The following LEMD2 variants were observed in gnomAD, a reference collection of about 807,000 sequenced individuals.
LEMD2 encodes the protein LEM domain-containing protein 2.
A neutral mutation model predicts 58.8 loss-of-function variants in LEMD2; 34 were observed. That is an observed-to-expected ratio of 0.58 (90% CI 0.44 to 0.77). The LOEUF (loss-of-function observed/expected upper bound fraction) is 0.77, where lower values mean the gene tolerates loss of function less well. Ranked by LOEUF, LEMD2 falls within the 30% of genes least tolerant of loss-of-function variation. The pLI, the probability that LEMD2 is intolerant of heterozygous loss-of-function variation, is 0.00. For synonymous variants in LEMD2, 298 were observed against 308.9 expected, an observed-to-expected ratio of 0.96 and a Z score of 0.37; for missense variants, 629 against 717.9, an observed-to-expected ratio of 0.88 and a Z score of 1.42.
intron 2 of LEMD2, 42 bp from the exon 3 acceptor site, chr6:33,784,469 T>TGGGGTG: frequency 2.7e-5 from 1 of 36,548 alleles, no homozygotes; most frequent in Non-Finnish European, 5.4e-5. Flanking sequence ...GAGGGGTGGG[T>TGGGGTG]GGGAGGGGTC....
intron 2 of LEMD2, among the ~76,000 whole-genome samples, chr6:33,785,007 G>A (rs1218122434): frequency 7.2e-5 from 11 of 152,122 alleles, no homozygotes; most frequent in Admixed American, 4.6e-4. Flanking sequence ...GAGGACAGAC[G>A]GTACCAGACA....
chr6:33,772,923 C>G, intron 8 of LEMD2, 145 bp from the exon 9 acceptor site: 1 of 681,526 alleles, frequency 1.5e-6, no homozygotes, highest in Non-Finnish European at 2.5e-6. Flanking sequence ...AACATGACAA[C>G]TGCAGAGGAG....
Position 33,771,503 on chromosome 6 carries a change from C to G in LEMD2, c.*1125G>C, listed in dbSNP as rs1055216443. 6.6e-6 allele frequency: 1 copy of G among 152,282 alleles called. No individual in the cohort carries two copies. The highest frequency in any genetic ancestry group is 2.4e-5 in the African/African-American group (1 of 41,476). 9.4% of individuals were successfully genotyped at this position (152,282 alleles called of 1,614,324 possible). ...CTGTGGAATTTCCTGTTTGCTCCCCCTCTCCTGCCTGCCGCAGATGAGGAC... is the reference window on the plus strand; with the variant it reads ...CTGTGGAATTTCCTGTTTGCTCCCCGTCTCCTGCCTGCCGCAGATGAGGAC... On this transcript the variant is annotated 3_prime_UTR_variant, in exon 9 of 9. Coordinates refer to ENST00000293760, the MANE Select transcript of LEMD2 (RefSeq NM_181336.4).
At chr6:33,788,102 G>A (rs1405711718) in intron 1 of LEMD2, among the ~76,000 whole-genome samples, 2 of 152,230 alleles carry the variant, frequency 1.3e-5, no homozygotes, top group African/African-American at 2.4e-5. Context: ...AGAGGTTGGA[G>A]GAGCAGTGAC....
Position 33,788,725 on chromosome 6 carries a change from C to A in LEMD2, c.392G>T (p.Arg131Leu). The A allele has an allele frequency of 1.4e-6, 2 of 1,425,138 alleles. No homozygotes were observed. The highest frequency in any genetic ancestry group is 1.4e-5 in the South Asian group (1 of 71,560). 88.3% of individuals were successfully genotyped at this position (1,425,138 alleles called of 1,614,324 possible). Residue 131 changes from arginine (R) to leucine (L), a missense_variant, in exon 1 of 9, where the codon CGC becomes CTC. By Grantham distance (102) the Arg-to-Leu change is moderately radical (BLOSUM62 -2). Transcript: ENST00000293760. ...AYPARPAQLRRRASVRGSSEE... is the reference protein window; with the variant it reads ...AYPARPAQLRLRASVRGSSEE... ...GGAGCTGCCCCGGACCGAGGCGCGG[C>A]GCCTGAGTTGCGCCGGGCGGGCAGG... is the stretch of plus-strand genomic sequence containing the variant.
chr6:33,781,020 A>G (rs1767552989), intron 4 of LEMD2, 57 bp downstream of exon 4: 5 of 1,198,566 alleles, frequency 4.2e-6, no homozygotes, highest in Non-Finnish European at 6.1e-6. Flanking sequence ...GGCTTGAAAG[A>G]CCAATAGGAA....
intron 2 of LEMD2, among the ~76,000 whole-genome samples, chr6:33,785,700 G>A (rs182637509): frequency 2.0e-5 from 3 of 152,278 alleles, no homozygotes; most frequent in East Asian, 3.9e-4. Flanking sequence ...TTTCCCCTCT[G>A]GCTGCCTGTG....
chr6:33,788,242 G>C (rs763963029), intron 1 of LEMD2, 139 bp downstream of exon 1: 1 of 891,604 alleles, frequency 1.1e-6, no homozygotes, highest in Admixed American at 3.2e-5. Context: ...GCTGGAAGAA[G>C]GCAGGCCTGG....
rs904328092 is a variant in LEMD2 at position 33,776,066 on chromosome 6, G to C, written c.1361+888C>G. Among the ~76,000 whole-genome samples the C allele has an allele frequency of 3.3e-5, 5 of 152,268 alleles. No individual in the cohort carries two copies. In the South Asian group the frequency reaches 6.2e-4, roughly 19 times the overall value. On this transcript the variant is annotated intron_variant, in intron 8 of 8. Coordinates refer to ENST00000293760, the MANE Select transcript of LEMD2 (RefSeq NM_181336.4). ...AGGACCCCAGTGTACAACTCCAGCAGTCACAGCCCATGTGGAAGGTGCCCT... is the reference window on the plus strand; with the variant it reads ...AGGACCCCAGTGTACAACTCCAGCACTCACAGCCCATGTGGAAGGTGCCCT...
At chr6:33,782,164 C>T (rs1767579972) in intron 3 of LEMD2, 1 of 152,328 alleles carries the variant, frequency 6.6e-6, no homozygotes, top group African/African-American at 2.4e-5. Context: ...CACTAGGACT[C>T]TTCCTGCCCT....
In LEMD2 at chr6:33,780,179, T is replaced by C; in HGVS notation, c.931A>G (p.Asn311Asp). Reference protein sequence around the residue: ...PVMEAQEYIANVTSSSSAKFE... With the variant: ...PVMEAQEYIADVTSSSSAKFE... ...TTGGCGGAGGAGCTGCTGGTCACAT[T>C]CTGTGGGAGGGCGCGGGAGAAGGTT... The change falls in exon 5 of 9, where the codon AAT becomes GAT. Residue 311 changes from asparagine to aspartate, a missense_variant and splice_region_variant. Physicochemically the swap from Asn to Asp is conservative, Grantham distance 23 (BLOSUM62 1). This residue lies in a region of LEMD2 where 243 missense variants were observed against 336.8 expected (regional missense o/e 0.72). Coordinates refer to ENST00000293760, the MANE Select transcript of LEMD2 (RefSeq NM_181336.4). 6.3e-7 allele frequency: 1 copy of C among 1,586,304 alleles called. No individual in the cohort carries two copies. The highest frequency in any genetic ancestry group is 8.6e-7 in the Non-Finnish European group (1 of 1,165,008).
chr6:33,785,450 C>T (rs2127382813), intron 2 of LEMD2, among the ~76,000 whole-genome samples: 1 of 152,344 alleles, frequency 6.6e-6, no homozygotes, highest in Middle Eastern at 3.4e-3. Flanking sequence ...GCATCTGTAG[C>T]TAGGACCTGG....
In LEMD2 at chr6:33,772,583, G is replaced by A. The variant is rs1767325376; in HGVS notation, c.*45C>T. 1 of 1,582,610 alleles carries A rather than the reference G, an allele frequency of 6.3e-7. No individual in the cohort carries two copies. The highest frequency in any genetic ancestry group is 8.6e-7 in the Non-Finnish European group (1 of 1,161,434). On this transcript the variant is annotated 3_prime_UTR_variant, in exon 9 of 9. Coordinates refer to ENST00000293760, the MANE Select transcript of LEMD2 (RefSeq NM_181336.4). The stretch of plus-strand genomic sequence containing the variant: ...TGACCCTCCTGTGCCTCTGGAGTGG[G>A]CTGTCCTGGGACAGGCTGACCGGGA...
chr6:33,779,669 C>T (rs892204053), intron 5 of LEMD2: 1 of 160,564 alleles, frequency 6.2e-6, no homozygotes. Flanking sequence ...GAATAAAATC[C>T]AGTATTTCCT....
rs186843637 is a variant in LEMD2, at chr6:33,781,090, T to C, written c.917A>G (p.Gln306Arg). 3.3e-4 allele frequency: 538 copies of C among 1,612,020 alleles called. 3 individuals are homozygous for C. The Admixed American group carries it at 8.5e-3, about 26-fold the overall frequency. ...AAGCCTACTTACGGCTATATATTCTTGGGCTTCCATAACAGGAATGCATTT... is the reference window on the plus strand; with the variant it reads ...AAGCCTACTTACGGCTATATATTCTCGGGCTTCCATAACAGGAATGCATTT... ...KSKCIPVMEA[Q>R]EYIANVTSSS... The change falls in exon 4 of 9, where the codon CAA becomes CGA. Residue 306 changes from glutamine to arginine, a missense_variant. Gln to Arg is a conservative substitution (Grantham distance 43). Coordinates refer to ENST00000293760, the MANE Select transcript of LEMD2 (RefSeq NM_181336.4).
At chr6:33,777,687 G>A (rs1767467555) in intron 6 of LEMD2, among the ~76,000 whole-genome samples, 2 of 152,190 alleles carry the variant, frequency 1.3e-5, no homozygotes, top group Admixed American at 1.3e-4. Context: ...AACTATCTCT[G>A]GAAAGCCGTG....
At chr6:33,774,593 C>G (rs1767387928) in intron 8 of LEMD2, among the ~76,000 whole-genome samples, 1 of 152,038 alleles carries the variant, frequency 6.6e-6, no homozygotes, top group African/African-American at 2.4e-5. Flanking sequence ...CCATGCCCGG[C>G]TAATTTTTGT....
intron 6 of LEMD2, among the ~76,000 whole-genome samples, chr6:33,777,713 C>T (rs978759047): frequency 2.0e-5 from 3 of 152,234 alleles, no homozygotes; most frequent in Non-Finnish European, 4.4e-5. Flanking sequence ...TGTGACTTGG[C>T]CTTTCGCCTT....
chr6:33,776,833 C>G, intron 8 of LEMD2, 121 bp downstream of exon 8: 1 of 767,522 alleles, frequency 1.3e-6, no homozygotes, highest in Non-Finnish European at 2.2e-6. Context: ...CCACTCTTGG[C>G]CCTGGGGTCT....
Sources: gnomAD v4.1 joint callset for allele counts (sites outside exome capture counted in the v4.1 genomes callset) on GRCh38, gnomAD v4.1.1 for gene constraint, gnomAD v4.1.1 regional missense constraint, MANE v1.5 for transcripts, NCBI Gene and HGNC (gene_info 2026-07-23, HGNC 2026-07-21) for gene names.